CYLD: variants seen among roughly 807,000 people sequenced by gnomAD.
CYLD encodes the protein ubiquitin carboxyl-terminal hydrolase CYLD.
In CYLD, 26 loss-of-function variants were observed where a neutral mutation model predicts 104.5. The observed-to-expected ratio is 0.25, with a 90% CI of 0.18 to 0.35. CYLD has a LOEUF of 0.35. Among genes scored for constraint, CYLD ranks in the 10% least tolerant of loss-of-function variants. The probability of loss-of-function intolerance (pLI) is 1.00; values close to 1 mark genes in which losing one functional copy is unlikely to be tolerated. For missense variants in CYLD, 703 were observed against 1,136.1 expected (o/e 0.62, Z 5.48); for synonymous variants, 385 against 399.9 (o/e 0.96, Z 0.45).
chr16:50,750,296 G>T (rs371381653), intron 3 of CYLD, 94 bp downstream of exon 3: 3 of 1,415,582 alleles, frequency 2.1e-6, no homozygotes, highest in African/African-American at 2.8e-5. Context: ...CCTTAAATAC[G>T]AAATAAATTT....
intron 14 of CYLD, among the ~76,000 whole-genome samples, chr16:50,790,810 A>G (rs928966068): frequency 9.2e-5 from 14 of 152,298 alleles, no homozygotes; most frequent in African/African-American, 3.1e-4. Context: ...TATATCCAGA[A>G]ATTCTGCTGA....
At chr16:50,796,186 C>G (rs1972032372) in intron 18 of CYLD, 138 bp from the exon 19 acceptor site, 1 of 785,430 alleles carries the variant, frequency 1.3e-6, no homozygotes, top group Admixed American at 2.6e-5. Flanking sequence ...AGGAGGCTTT[C>G]ACTTCCAGAA....
chr16:50,780,652 G>A (rs1338016387), intron 9 of CYLD, among the ~76,000 whole-genome samples: 1 of 152,096 alleles, frequency 6.6e-6, no homozygotes, highest in African/African-American at 2.4e-5. Flanking sequence ...CTGAGTAGCT[G>A]GAATTACAGA....
chr16:50,774,895 C>A (rs544607366), intron 5 of CYLD, among the ~76,000 whole-genome samples: 1 of 152,016 alleles, frequency 6.6e-6, no homozygotes, highest in Non-Finnish European at 1.5e-5. Flanking sequence ...TGATCGAAAT[C>A]GTGGTTAATT....
At chr16:50,754,937 G>A (rs951242753) in intron 5 of CYLD, among the ~76,000 whole-genome samples, 8 of 142,564 alleles carry the variant, frequency 5.6e-5, no homozygotes, top group Admixed American at 2.1e-4. Flanking sequence ...ACACACATAT[G>A]TATATATACA....
chr16:50,786,602 A>G (rs1482080587), intron 12 of CYLD: 1 of 384,390 alleles, frequency 2.6e-6, no homozygotes, highest in East Asian at 5.5e-5. Context: ...TCTACTAAAA[A>G]TACAAAAATT....
Position 50,755,108 on chromosome 16 carries a change from CACAT to C in CYLD, c.913+686_913+689del, listed in dbSNP as rs1457990557. Reference sequence around the variant, plus strand: ...ACACATATATACATACATATATACACACATATACACATGTGTATATATACACACG... The same window carrying C: ...ACACATATATACATACATATATACACATACACATGTGTATATATACACACG... On this transcript the variant is annotated intron_variant, in intron 5 of 18. Coordinates refer to ENST00000427738, the MANE Select transcript of CYLD (RefSeq NM_001378743.1). 2.4e-5 allele frequency among the ~76,000 whole-genome samples: 3 copies of C among 124,450 alleles called. 1 individual carries two copies. The highest frequency in any genetic ancestry group is 9.9e-5 in the African/African-American group (3 of 30,212). The allele number at this position is 124,450 out of a possible 152,430, so 81.6% of individuals were successfully genotyped here.
At position 50,754,860 on chromosome 16, in the gene CYLD, T is replaced by TAC. The variant is rs749207539; in HGVS notation, c.913+446_913+447dup. 8.4e-5 allele frequency among the ~76,000 whole-genome samples: 12 copies of TAC among 143,430 alleles called. 1 individual carries two copies. The highest frequency in any genetic ancestry group is 8.4e-4 in the South Asian group (4 of 4,788). The allele number at this position is 143,430 out of a possible 152,430, so 94.1% of individuals were successfully genotyped here. A position where few individuals can be genotyped will look rare whatever the true frequency, so the allele number is the denominator to read the frequency against. On this transcript the variant is annotated intron_variant, in intron 5 of 18. Coordinates refer to ENST00000427738, the MANE Select transcript of CYLD (RefSeq NM_001378743.1). ...GTATTCCATGGTGTATGTATATATA[T>TAC]ACACACACACATATGTATATATATA...
intron 7 of CYLD, among the ~76,000 whole-genome samples, chr16:50,777,133 C>T (rs953800874): frequency 2.0e-5 from 3 of 152,074 alleles, no homozygotes; most frequent in Non-Finnish European, 2.9e-5. Flanking sequence ...TGTACAGCTA[C>T]CTGCTTTAAT....
intron 11 of CYLD, among the ~76,000 whole-genome samples, chr16:50,783,570 G>T (rs1451916086): frequency 6.6e-6 from 1 of 151,764 alleles, no homozygotes; most frequent in Non-Finnish European, 1.5e-5. Context: ...AAGGAGTCTC[G>T]CTGTGTCGCC....
At chr16:50,754,498 G>GT (rs1243961736) in intron 5 of CYLD, 74 bp downstream of exon 5, 1 of 989,034 alleles carries the variant, frequency 1.0e-6, no homozygotes, top group Admixed American at 2.1e-5. Flanking sequence ...ATATCAATAT[G>GT]TTTTGGGGGA....
chr16:50,784,640 G>C (rs1970622045), intron 12 of CYLD, 189 bp downstream of exon 12: 1 of 584,450 alleles, frequency 1.7e-6, no homozygotes, highest in Admixed American at 2.9e-5. Context: ...TCTTAAATGT[G>C]GCCAAGGTGT....
chr16:50,792,225 T>G (rs2151031597), intron 15 of CYLD, among the ~76,000 whole-genome samples: 1 of 152,374 alleles, frequency 6.6e-6, no homozygotes, highest in Admixed American at 6.5e-5. Context: ...CACAGTTATT[T>G]ATTTGTTGAA....
At chr16:50,759,262 T>A (rs1261040482) in intron 5 of CYLD, among the ~76,000 whole-genome samples, 2 of 152,010 alleles carry the variant, frequency 1.3e-5, no homozygotes, top group African/African-American at 2.4e-5. Context: ...CTTTTTACTG[T>A]AGAATGTATT....
intron 12 of CYLD, chr16:50,785,103 A>T (rs1049494009): frequency 6.6e-6 from 1 of 152,474 alleles, no homozygotes; most frequent in Non-Finnish European, 1.5e-5. Context: ...AAGACTTTGA[A>T]TAAGTGGTAG....
Position 50,786,964 on chromosome 16 carries a change from T to A in CYLD, c.2041+18T>A. On this transcript the variant is annotated intron_variant, in intron 13 of 18. Coordinates refer to ENST00000427738, the MANE Select transcript of CYLD (RefSeq NM_001378743.1). ...AGAAAAAGGTGACCATCTTAACTTA[T>A]ATGCGTTAAAAATAACTGAAGAGCA... is the stretch of plus-strand genomic sequence containing the variant. 6.3e-7 allele frequency: 1 copy of A among 1,585,250 alleles called. No homozygotes were observed.
rs184571054 is a variant in CYLD at position 50,801,393 on chromosome 16, A to T, written c.*4885A>T. The T allele has an allele frequency of 2.1e-4, 48 of 232,666 alleles. No individual in the cohort carries two copies. Among genetic ancestry groups the T allele is most frequent in the Middle Eastern group, 2.5e-3 (2 of 786 alleles). 14.4% of individuals were successfully genotyped at this position (232,666 alleles called of 1,614,324 possible). On this transcript the variant is annotated 3_prime_UTR_variant, in exon 19 of 19. Coordinates refer to ENST00000427738, the MANE Select transcript of CYLD (RefSeq NM_001378743.1). ...TTTTAAAGTCTTCATTTATTTTTAT[A>T]ACATGGGTTAGGGAGAAGGGCCACA...
At chr16:50,779,331 T>C (rs1184212427) in intron 8 of CYLD, among the ~76,000 whole-genome samples, 5 of 152,210 alleles carry the variant, frequency 3.3e-5, no homozygotes, top group African/African-American at 1.2e-4. Context: ...ATTAGATATA[T>C]AGAAGCGTTT....
At chr16:50,792,838 A>G (rs1051489472) in intron 16 of CYLD, 133 bp downstream of exon 16, 13 of 587,386 alleles carry the variant, frequency 2.2e-5, no homozygotes, top group Non-Finnish European at 4.0e-5. Context: ...GAGCCTGGAA[A>G]TATGAAACCA....
Sources: gnomAD v4.1 joint callset for allele counts (sites outside exome capture counted in the v4.1 genomes callset) on GRCh38, gnomAD v4.1.1 for gene constraint, MANE v1.5 for transcripts, NCBI Gene and HGNC (gene_info 2026-07-23, HGNC 2026-07-21) for gene names.